The following SHCBP1 variants were observed in gnomAD, a reference collection of about 807,000 sequenced individuals.
The protein encoded by SHCBP1 is SHC SH2 domain-binding protein 1.
A neutral mutation model predicts 75.1 loss-of-function variants in SHCBP1; 60 were observed. That is an observed-to-expected ratio of 0.80 (90% CI 0.65 to 0.99). The LOEUF is 0.99. SHCBP1 is among the 50% of genes least tolerant of loss of function. SHCBP1 has a pLI of 0.00. For synonymous variants in SHCBP1, 290 were observed against 293.2 expected, an observed-to-expected ratio of 0.99 and a Z score of 0.11; for missense variants, 709 against 809.4, an observed-to-expected ratio of 0.88 and a Z score of 1.50.
At chr16:46,615,408 C>T (rs1965479180) in intron 4 of SHCBP1, among the ~76,000 whole-genome samples, 1 of 152,130 alleles carries the variant, frequency 6.6e-6, no homozygotes, top group African/African-American at 2.4e-5. Context: ...GTTTTGTCAG[C>T]TTTTCTATAA....
At chr16:46,583,390 C>CT in intron 12 of SHCBP1, 126 bp downstream of exon 12, 1 of 961,152 alleles carries the variant, frequency 1.0e-6, no homozygotes, top group South Asian at 1.9e-5. Context: ...AAGCTTCTCT[C>CT]TCTCCATGCC....
Position 46,583,574 on chromosome 16 carries a change from G to A in SHCBP1, c.1635C>T (p.Val545=). 6.2e-7 allele frequency: 1 copy of A among 1,611,666 alleles called. No individual in the cohort carries two copies. The highest frequency in any genetic ancestry group is 1.1e-5 in the South Asian group (1 of 90,162). ...CAGAGAAGATTGTAGGTTTCACCAAGACAACACCATAACCTTCATTATTAT... is the reference window on the plus strand; with the variant it reads ...CAGAGAAGATTGTAGGTTTCACCAAAACAACACCATAACCTTCATTATTAT... The part of the protein sequence containing the change: ...IIHNNEGYGV[V]LVKPTIFSDL... The change falls in exon 12 of 13, where the codon GTC becomes GTT. Residue 545 remains valine (V), a synonymous_variant. Coordinates refer to ENST00000303383, the MANE Select transcript of SHCBP1 (RefSeq NM_024745.5).
chr16:46,602,156 C>T (rs533568648), intron 8 of SHCBP1, among the ~76,000 whole-genome samples: 1 of 152,338 alleles, frequency 6.6e-6, no homozygotes, highest in South Asian at 2.1e-4. Context: ...CTAGGAAGAA[C>T]TCTTATCTAC....
intron 10 of SHCBP1, among the ~76,000 whole-genome samples, chr16:46,588,647 C>T (rs1329124151): frequency 6.6e-6 from 1 of 152,114 alleles, no homozygotes; most frequent in Non-Finnish European, 1.5e-5. Flanking sequence ...CTGAATAGAC[C>T]AGTAACAGGT....
intron 10 of SHCBP1, among the ~76,000 whole-genome samples, chr16:46,593,932 G>C (rs1436028131): frequency 6.6e-6 from 1 of 151,962 alleles, no homozygotes; most frequent in Non-Finnish European, 1.5e-5. Flanking sequence ...AAAGGAACCA[G>C]GGTAGCTGAA....
chr16:46,597,814 G>A (rs890851426), intron 9 of SHCBP1, among the ~76,000 whole-genome samples: 6 of 152,110 alleles, frequency 3.9e-5, no homozygotes, highest in Non-Finnish European at 7.4e-5. Context: ...TTCAAAATTG[G>A]AGTCAATCCC....
At chr16:46,600,742 G>A (rs1053838067) in intron 8 of SHCBP1, among the ~76,000 whole-genome samples, 5 of 152,242 alleles carry the variant, frequency 3.3e-5, no homozygotes, top group African/African-American at 1.2e-4. Context: ...GCTGGGTACG[G>A]TGGCGCACGC....
At position 46,618,293 on chromosome 16, in the gene SHCBP1, T is replaced by A; in HGVS notation, c.183A>T (p.Pro61=). 1 of 1,613,918 alleles carries A rather than the reference T, an allele frequency of 6.2e-7. No homozygotes were observed. The highest frequency in any genetic ancestry group is 8.5e-7 in the Non-Finnish European group (1 of 1,179,952). Residue 61 remains proline, a synonymous_variant, in exon 2 of 13, where the codon CCA becomes CCT. Coordinates refer to ENST00000303383, the MANE Select transcript of SHCBP1 (RefSeq NM_024745.5). ...KPGSSLQSFM[P]EGKTFFPEIF... Reference sequence around the variant, plus strand: ...TTTCTGGGAAAAAGGTTTTTCCTTCTGGCATAAAACTTTGTAAACTAGAAC... The same window carrying A: ...TTTCTGGGAAAAAGGTTTTTCCTTCAGGCATAAAACTTTGTAAACTAGAAC...
At position 46,603,612 on chromosome 16, in the gene SHCBP1, G is replaced by C. The variant is rs771133626; in HGVS notation, c.1140C>G (p.Asp380Glu). Residue 380 changes from aspartate to glutamate, a missense_variant, in exon 8 of 13, where the codon GAC (aspartate) becomes GAG (glutamate). Asp to Glu is a conservative substitution (Grantham distance 45). Coordinates refer to ENST00000303383, the MANE Select transcript of SHCBP1 (RefSeq NM_024745.5). ...LSAINACFEG[D>E]TVIVCPGHYV... ...AATGGCCAGGACAAACAATAACAGT[G>C]TCACCTTCGAAGCAGGCATTTATAG... 6.2e-7 allele frequency: 1 copy of C among 1,614,146 alleles called. No individual in the cohort carries two copies. Among genetic ancestry groups the C allele is most frequent in the Non-Finnish European group, 8.5e-7 (1 of 1,180,022 alleles).
chr16:46,621,344 G>A lies in SHCBP1; in HGVS notation c.16C>T (p.Leu6=). The change falls in exon 1 of 13, where the codon CTG becomes TTG. Residue 6 remains leucine, a synonymous_variant. Coordinates refer to ENST00000303383, the MANE Select transcript of SHCBP1 (RefSeq NM_024745.5). MADGS[L]TGGGLEAAAM... ...GCTGCCTCCAGACCGCCGCCCGTCA[G>A]CGACCCGTCAGCCATTTCAAATTTC... The A allele has an allele frequency of 6.2e-7, 1 of 1,611,284 alleles. No homozygotes were observed. The highest frequency in any genetic ancestry group is 2.2e-5 in the East Asian group (1 of 44,852).
intron 4 of SHCBP1, among the ~76,000 whole-genome samples, chr16:46,608,906 T>C (rs569981861): frequency 2.0e-5 from 3 of 152,240 alleles, no homozygotes; most frequent in African/African-American, 7.2e-5. Flanking sequence ...GCCAGGACTT[T>C]CTTTTTATTG....
At chr16:46,613,318 A>G (rs1383096310) in intron 4 of SHCBP1, among the ~76,000 whole-genome samples, 1 of 152,196 alleles carries the variant, frequency 6.6e-6, no homozygotes, top group Non-Finnish European at 1.5e-5. Flanking sequence ...ACAGAATAAT[A>G]CCGTGTTTCC....
intron 5 of SHCBP1, among the ~76,000 whole-genome samples, chr16:46,604,813 T>C (rs1965300653): frequency 6.6e-6 from 1 of 152,202 alleles, no homozygotes; most frequent in African/African-American, 2.4e-5. Flanking sequence ...AAAAGCTTAA[T>C]AAGAAGGTGG....
chr16:46,602,927 A>G (rs1297004621), intron 8 of SHCBP1, among the ~76,000 whole-genome samples: 1 of 152,204 alleles, frequency 6.6e-6, no homozygotes, highest in Non-Finnish European at 1.5e-5. Context: ...CACCACACCC[A>G]GCCCAAAAAG....
intron 8 of SHCBP1, among the ~76,000 whole-genome samples, chr16:46,602,078 TTAAC>T (rs1377131418): frequency 1.3e-5 from 2 of 152,210 alleles, no homozygotes; most frequent in African/African-American, 4.8e-5. Flanking sequence ...ATTTTTATAC[TTAAC>T]TATCAGCATT....
chr16:46,592,976 A>AAAAAAAAAAAAAT (rs1965073716), intron 10 of SHCBP1, among the ~76,000 whole-genome samples: 1 of 140,110 alleles, frequency 7.1e-6, no homozygotes, highest in Non-Finnish European at 1.5e-5. Context: ...AAAAAAAAAA[A>AAAAAAAAAAAAAT]GCAGAAATTC....
chr16:46,604,331 CAG>C lies in SHCBP1; in HGVS notation c.818_819del (p.Ser273Ter), dbSNP rs1480297591. The C allele has an allele frequency of 1.2e-6, 2 of 1,614,194 alleles. No individual in the cohort carries two copies. The highest frequency in any genetic ancestry group is 8.5e-7 in the Non-Finnish European group (1 of 1,180,028). On this transcript the variant is annotated frameshift_variant, in exon 6 of 13. Coordinates refer to ENST00000303383, the MANE Select transcript of SHCBP1 (RefSeq NM_024745.5). LOFTEE classifies it high-confidence loss of function. The stretch of plus-strand genomic sequence containing the variant: ...ATGGAGATATTTTCCTGCTCGGAAT[CAG>C]AGTTACAATTTGACAAACTGCTTCT... Reference protein sequence around the residue: ...NLRSSLSNCNSDSEQENISMV... With the variant: ...NLRSSLSNCNXDSEQENISMV...
chr16:46,594,352 C>T (rs181149146), intron 10 of SHCBP1, among the ~76,000 whole-genome samples: 406 of 152,162 alleles, frequency 2.7e-3, no homozygotes, highest in Non-Finnish European at 4.0e-3. Flanking sequence ...TACCTGACAA[C>T]GGACTAGTAT....
chr16:46,584,115 ACAAT>A (rs747193962), intron 10 of SHCBP1, 26 bp from the exon 11 acceptor site: 1 of 1,541,416 alleles, frequency 6.5e-7, no homozygotes, highest in Non-Finnish European at 8.8e-7. Context: ...TGAGATAATG[ACAAT>A]CAGTTTTTAA....
Sources: allele counts gnomAD v4.1 joint callset (sites outside exome capture counted in the v4.1 genomes callset), GRCh38; gene constraint gnomAD v4.1.1; transcripts MANE v1.5; gene names NCBI Gene and HGNC (gene_info 2026-07-23, HGNC 2026-07-21).